Variants in LUZP2 observed in about 807,000 individuals in gnomAD.
The protein encoded by LUZP2 is leucine zipper protein 2.
In LUZP2, 52 loss-of-function variants were observed where a neutral mutation model predicts 51.6. The observed-to-expected ratio is 1.01, with a 90% CI of 0.81 to 1.27. The LOEUF (loss-of-function observed/expected upper bound fraction) is 1.27. Ranked by LOEUF, LUZP2 falls within the 50% of genes most tolerant of loss-of-function variation. LUZP2 has a pLI of 0.00. For missense variants in LUZP2, 436 were observed against 395.4 expected (o/e 1.10, Z -0.87); for synonymous variants, 154 against 137.3 (o/e 1.12, Z -0.85).
intron 5 of LUZP2, among the ~76,000 whole-genome samples, chr11:24,817,860 C>CAT (rs1489472085): frequency 2.6e-5 from 4 of 152,014 alleles, no homozygotes; most frequent in Non-Finnish European, 4.4e-5. Context: ...GGTAGCCTGT[C>CAT]ATACACTGTG....
chr11:24,759,918 C>A (rs773736363), intron 4 of LUZP2, among the ~76,000 whole-genome samples: 2 of 152,112 alleles, frequency 1.3e-5, no homozygotes, highest in Non-Finnish European at 2.9e-5. Context: ...GGTCTGAGAA[C>A]AAGTGCCCCT....
At chr11:24,862,972 A>C (rs1851784696) in intron 5 of LUZP2, among the ~76,000 whole-genome samples, 1 of 152,232 alleles carries the variant, frequency 6.6e-6, no homozygotes, top group Non-Finnish European at 1.5e-5. Context: ...AATTTTCAAT[A>C]GAGAAATGCA....
intron 5 of LUZP2, among the ~76,000 whole-genome samples, chr11:24,845,746 T>G (rs1435221109): frequency 6.8e-6 from 1 of 146,852 alleles, no homozygotes; most frequent in Non-Finnish European, 1.5e-5. Context: ...GCACAAGCTC[T>G]CTCTCTCTTT....
intron 1 of LUZP2, among the ~76,000 whole-genome samples, chr11:24,663,976 G>A (rs938931044): frequency 2.6e-4 from 40 of 152,102 alleles, no homozygotes; most frequent in Non-Finnish European, 4.6e-4. Context: ...AAATTACCCA[G>A]TCTTGGGTAT....
At chr11:24,849,071 AT>A (rs931420213) in intron 5 of LUZP2, among the ~76,000 whole-genome samples, 30 of 152,118 alleles carry the variant, frequency 2.0e-4, no homozygotes, top group African/African-American at 7.2e-4. Flanking sequence ...GCTACTCAGC[AT>A]TTTTTCATTT....
At chr11:24,786,591 C>A (rs1849251368) in intron 5 of LUZP2, 2 of 254,400 alleles carry the variant, frequency 7.9e-6, no homozygotes, top group Admixed American at 7.0e-5. Context: ...TATATATTTG[C>A]ATTATATTAT....
intron 1 of LUZP2, among the ~76,000 whole-genome samples, chr11:24,608,496 C>T (rs2133882233): frequency 6.6e-6 from 1 of 152,066 alleles, no homozygotes; most frequent in East Asian, 1.9e-4. Flanking sequence ...AAAACAATAA[C>T]AAACTCTCTT....
intron 10 of LUZP2, among the ~76,000 whole-genome samples, chr11:25,051,641 T>A (rs1435801375): frequency 6.6e-6 from 1 of 152,112 alleles, no homozygotes; most frequent in South Asian, 2.1e-4. Flanking sequence ...GACTAGAGAA[T>A]GAGGGGCCCT....
At chr11:24,597,683 T>G (rs527595892) in intron 1 of LUZP2, among the ~76,000 whole-genome samples, 12 of 152,252 alleles carry the variant, frequency 7.9e-5, no homozygotes, top group Non-Finnish European at 1.3e-4. Flanking sequence ...TAAAAGTGCG[T>G]TTTTCTTGCA....
intron 5 of LUZP2, among the ~76,000 whole-genome samples, chr11:24,768,364 C>A (rs1860275012): frequency 6.6e-6 from 1 of 152,134 alleles, no homozygotes; most frequent in Non-Finnish European, 1.5e-5. Context: ...CCCGCCTTGG[C>A]CTCCCAAAGT....
At chr11:24,960,385 T>A (rs1456904057) in intron 7 of LUZP2, among the ~76,000 whole-genome samples, 3 of 152,166 alleles carry the variant, frequency 2.0e-5, no homozygotes, top group Non-Finnish European at 4.4e-5. Context: ...GGTCCTGGAC[T>A]CTTTTTGGTT....
chr11:24,999,739 A>G (rs1052188524), intron 9 of LUZP2, among the ~76,000 whole-genome samples: 2 of 152,174 alleles, frequency 1.3e-5, no homozygotes, highest in Non-Finnish European at 2.9e-5. Flanking sequence ...AATTGTTTTA[A>G]ACTCACAACC....
chr11:24,643,789 T>C (rs1431391195), intron 1 of LUZP2, among the ~76,000 whole-genome samples: 1 of 152,208 alleles, frequency 6.6e-6, no homozygotes, highest in Non-Finnish European at 1.5e-5. Context: ...TGAAATAGTT[T>C]GTACACTATC....
At chr11:24,509,389 G>A (rs1032216650) in intron 1 of LUZP2, among the ~76,000 whole-genome samples, 6 of 150,986 alleles carry the variant, frequency 4.0e-5, no homozygotes, top group African/African-American at 9.7e-5. Flanking sequence ...CACTTGCCTC[G>A]AAATTTGTAT....
At chr11:24,534,671 C>A (rs970490014) in intron 1 of LUZP2, among the ~76,000 whole-genome samples, 1 of 151,240 alleles carries the variant, frequency 6.6e-6, no homozygotes, top group Non-Finnish European at 1.5e-5. Flanking sequence ...GAGATTCCAC[C>A]TATAAATTCC....
rs138247839 is a variant in LUZP2, at chr11:24,761,755, A to G, written c.334-1491A>G. Reference sequence around the variant, plus strand: ...TACCATAACAAATTCACTAGCTACAATAAATTAACTGGTATTACATAAAAT... The same window carrying G: ...TACCATAACAAATTCACTAGCTACAGTAAATTAACTGGTATTACATAAAAT... On this transcript the variant is annotated intron_variant, in intron 4 of 11. Transcript: ENST00000336930. 9.1e-3 allele frequency among the ~76,000 whole-genome samples: 1,393 copies of G among 152,330 alleles called. 17 individuals are homozygous for G. The highest frequency in any genetic ancestry group is 0.031 in the African/African-American group (1,302 of 41,578).
chr11:24,820,007 A>G (rs1006084265), intron 5 of LUZP2, among the ~76,000 whole-genome samples: 5 of 152,132 alleles, frequency 3.3e-5, no homozygotes, highest in Admixed American at 3.3e-4. Context: ...ATGGCAGTTG[A>G]GAGTGACAGT....
At chr11:24,869,954 T>C (rs964773525) in intron 5 of LUZP2, among the ~76,000 whole-genome samples, 2 of 152,128 alleles carry the variant, frequency 1.3e-5, no homozygotes, top group African/African-American at 4.8e-5. Context: ...GGTAGCCAAA[T>C]TGTGAATGTA....
intron 5 of LUZP2, among the ~76,000 whole-genome samples, chr11:24,848,084 T>C (rs1425266307): frequency 6.6e-6 from 1 of 152,096 alleles, no homozygotes; most frequent in East Asian, 1.9e-4. Flanking sequence ...AGAGTGCTCA[T>C]TGCTACTGGG....
Sources: gnomAD v4.1 joint callset for allele counts (sites outside exome capture counted in the v4.1 genomes callset) on GRCh38, gnomAD v4.1.1 for gene constraint, MANE v1.5 for transcripts, NCBI Gene and HGNC (gene_info 2026-07-23, HGNC 2026-07-21) for gene names.